MORN4: variants seen among roughly 807,000 people sequenced by gnomAD.
The protein encoded by MORN4 is MORN repeat containing 4.
In MORN4, 8 loss-of-function variants were observed where a neutral mutation model predicts 16.4. The ratio of observed to expected loss-of-function variants is 0.49; its 90% CI spans 0.29 to 0.88. The LOEUF is 0.88. Ranked by LOEUF, MORN4 falls within the 40% of genes least tolerant of loss-of-function variation. The probability of loss-of-function intolerance (pLI) is 0.09; values close to 1 mark genes in which losing one functional copy is unlikely to be tolerated. For synonymous variants in MORN4, 53 were observed against 68.9 expected, an observed-to-expected ratio of 0.77 and a Z score of 1.14; for missense variants, 159 against 182.9, an observed-to-expected ratio of 0.87 and a Z score of 0.75.
chr10:97,616,382 C>T lies in MORN4; in HGVS notation c.322G>A (p.Gly108Arg). The part of the protein sequence containing the change: ...GLLTFPDGSH[G>R]IPRNEGLFEN... ...AAGAGACCTTCATTGCGGGGGATTC[C>T]ATGAGAACCATCAGGGAAAGTCAGC... The change falls in exon 5 of 5, where the codon GGA (glycine) becomes AGA (arginine). Residue 108 changes from glycine to arginine, a missense_variant. Gly to Arg is a moderately radical substitution (Grantham distance 125). Transcript: ENST00000307450. The T allele has an allele frequency of 6.2e-7, 1 of 1,609,402 alleles. No homozygotes were observed. The highest frequency in any genetic ancestry group is 8.5e-7 in the Non-Finnish European group (1 of 1,177,980).
chr10:97,626,065 C>A (rs11189298), intron 1 of MORN4, among the ~76,000 whole-genome samples: 45,151 of 146,062 alleles, frequency 0.31, 8,430 homozygotes, highest in African/African-American at 0.56. Context: ...CAGCCTCATG[C>A]CTTTTTTTTT....
At chr10:97,617,459 G>A (rs2041246502) in intron 2 of MORN4, 137 bp from the exon 3 acceptor site, 1 of 715,640 alleles carries the variant, frequency 1.4e-6, no homozygotes, top group Admixed American at 2.3e-5. Flanking sequence ...GCAGGGCAGA[G>A]GATTATTAGC....
chr10:97,631,519 T>G (rs1035651286), intron 1 of MORN4, among the ~76,000 whole-genome samples: 3 of 152,092 alleles, frequency 2.0e-5, no homozygotes, highest in African/African-American at 7.2e-5. Flanking sequence ...TAACGAGAAT[T>G]TTTGTTTCCG....
chr10:97,620,825 T>C (rs1171409832), intron 1 of MORN4, among the ~76,000 whole-genome samples: 2 of 151,052 alleles, frequency 1.3e-5, no homozygotes, highest in Non-Finnish European at 3.0e-5. Context: ...AATGTAAAAT[T>C]AAAAAACAAA....
intron 1 of MORN4, among the ~76,000 whole-genome samples, chr10:97,629,073 G>A (rs1008919424): frequency 6.6e-6 from 1 of 152,028 alleles, no homozygotes; most frequent in Non-Finnish European, 1.5e-5. Flanking sequence ...GTGACTGCTT[G>A]GACCAAAAGA....
intron 2 of MORN4, among the ~76,000 whole-genome samples, chr10:97,617,592 C>T (rs904392550): frequency 1.3e-5 from 2 of 152,192 alleles, no homozygotes; most frequent in African/African-American, 2.4e-5. Context: ...TGACCAGGCG[C>T]GGTAGCTTAC....
At chr10:97,630,606 A>G (rs2041388255) in intron 1 of MORN4, among the ~76,000 whole-genome samples, 1 of 152,204 alleles carries the variant, frequency 6.6e-6, no homozygotes, top group Non-Finnish European at 1.5e-5. Flanking sequence ...ATGAAAGGGA[A>G]TGTGTGTAGA....
intron 2 of MORN4, 21 bp from the exon 3 acceptor site, chr10:97,617,343 G>A (rs766741255): frequency 6.2e-7 from 1 of 1,605,804 alleles, no homozygotes; most frequent in East Asian, 2.2e-5. Context: ...AGAAGGATAG[G>A]TGTCAGGTTG....
intron 1 of MORN4, among the ~76,000 whole-genome samples, chr10:97,629,726 T>A (rs1348399785): frequency 6.6e-6 from 1 of 151,912 alleles, no homozygotes; most frequent in Non-Finnish European, 1.5e-5. Context: ...ACCCACAGAA[T>A]CCATGAGCAT....
chr10:97,628,526 C>CT (rs527542591), intron 1 of MORN4, among the ~76,000 whole-genome samples: 48 of 151,490 alleles, frequency 3.2e-4, no homozygotes, highest in African/African-American at 1.1e-3. Flanking sequence ...CACCTAACCA[C>CT]TTTTTTTCTT....
In MORN4 at chr10:97,617,218, C is replaced by A; in HGVS notation, c.172G>T (p.Asp58Tyr). Residue 58 changes from aspartate (D) to tyrosine (Y), a missense_variant, in exon 3 of 5, where the codon GAT becomes TAT. Asp to Tyr is a radical substitution (Grantham distance 160, BLOSUM62 -3). Coordinates refer to ENST00000307450, the MANE Select transcript of MORN4 (RefSeq NM_178832.4). ...FNGFGVLTFSDGSRYEGEFAQ... is the reference protein window; with the variant it reads ...FNGFGVLTFSYGSRYEGEFAQ... ...TGACCTCATACCCACCTTGAACCAT[C>A]TGAGAAGGTCAATACCCCAAAGCCA... 1 of 1,613,796 alleles carries A rather than the reference C, an allele frequency of 6.2e-7. No homozygotes were observed. The highest frequency in any genetic ancestry group is 8.5e-7 in the Non-Finnish European group (1 of 1,179,678).
chr10:97,632,632 G>T (rs1283494318), intron 1 of MORN4, among the ~76,000 whole-genome samples: 2 of 152,040 alleles, frequency 1.3e-5, no homozygotes, highest in Non-Finnish European at 2.9e-5. Context: ...GCTATATGAA[G>T]GGTTCGTTTA....
At chr10:97,616,552 C>T in intron 4 of MORN4, 126 bp downstream of exon 4, 2 of 1,239,254 alleles carry the variant, frequency 1.6e-6, no homozygotes, top group Non-Finnish European at 2.3e-6. Context: ...TTGATGAGTT[C>T]AATGGATAGG....
chr10:97,622,321 A>G (rs991958056), intron 1 of MORN4, among the ~76,000 whole-genome samples: 3 of 152,174 alleles, frequency 2.0e-5, no homozygotes, highest in Admixed American at 2.0e-4. Context: ...TCATAGGAAA[A>G]CAATCAGTAA....
At chr10:97,619,311 T>C (rs939889938) in intron 2 of MORN4, 20 of 548,012 alleles carry the variant, frequency 3.6e-5, no homozygotes, top group Non-Finnish European at 3.2e-5. Context: ...GGCAACATAG[T>C]GAGCGAGACC....
At chr10:97,624,803 C>A (rs1021361177) in intron 1 of MORN4, among the ~76,000 whole-genome samples, 2 of 152,176 alleles carry the variant, frequency 1.3e-5, no homozygotes, top group African/African-American at 4.8e-5. Context: ...ACTCCAACCT[C>A]CGCCTCAGCC....
chr10:97,620,723 A>G (rs928787610), intron 1 of MORN4, among the ~76,000 whole-genome samples: 7 of 152,096 alleles, frequency 4.6e-5, no homozygotes, highest in Admixed American at 2.6e-4. Context: ...CACACCTGTA[A>G]TCCCAGCACT....
chr10:97,622,705 A>AAAAAAAAAAC (rs1449683898), intron 1 of MORN4, among the ~76,000 whole-genome samples: 1 of 151,208 alleles, frequency 6.6e-6, no homozygotes, highest in African/African-American at 2.4e-5. Flanking sequence ...AAAAAAAAAA[A>AAAAAAAAAAC]AAAAACGGAA....
At chr10:97,619,550 G>A (rs751988394) in intron 2 of MORN4, 37 bp downstream of exon 2, 11 of 1,443,538 alleles carry the variant, frequency 7.6e-6, no homozygotes, top group Non-Finnish European at 1.1e-5. Context: ...AGCAAATGAA[G>A]TGTTCATCAT....
Sources: gnomAD v4.1 joint callset for allele counts (sites outside exome capture counted in the v4.1 genomes callset) on GRCh38, gnomAD v4.1.1 for gene constraint, MANE v1.5 for transcripts, NCBI Gene and HGNC (gene_info 2026-07-23, HGNC 2026-07-21) for gene names.